The following MCAM variants were observed in gnomAD, a reference collection of about 807,000 sequenced individuals.
MCAM encodes the protein cell surface glycoprotein MUC18.
A neutral mutation model predicts 79.1 loss-of-function variants in MCAM; 55 were observed. The ratio of observed to expected loss-of-function variants is 0.70; its 90% CI spans 0.56 to 0.87. The LOEUF (loss-of-function observed/expected upper bound fraction) is 0.87. MCAM is among the 40% of genes least tolerant of loss of function. MCAM has a pLI of 0.00. For missense variants in MCAM, 745 were observed against 839.8 expected (o/e 0.89, Z 1.40); for synonymous variants, 330 against 339.8 (o/e 0.97, Z 0.32).
chr11:119,315,250 C>T lies in MCAM; in HGVS notation c.81G>A (p.Glu27=), dbSNP rs1407798637. The change falls in exon 2 of 16, where the codon GAG becomes GAA. Residue 27 remains glutamate, a synonymous_variant. Coordinates refer to ENST00000264036, the MANE Select transcript of MCAM (RefSeq NM_006500.3). The surrounding 1 kb of genome is among the most constrained non-coding windows in gnomAD (Gnocchi z 4.4). ...CCAGCTCAGGCGCAGGCTGCTCAGC[C>T]TCTCCGGGCACACCTGGGGGAGGGA... ...CCPRVAGVPG[E]AEQPAPELVE... is the part of the protein sequence containing the mutation. 1.2e-5 allele frequency: 19 copies of T among 1,610,436 alleles called. No individual in the cohort carries two copies. Among genetic ancestry groups the T allele is most frequent in the Non-Finnish European group, 1.5e-5 (18 of 1,179,786 alleles).
Position 119,312,322 on chromosome 11 carries a change from A to G in MCAM, c.968T>C (p.Leu323Pro). The G allele has an allele frequency of 1.2e-6, 2 of 1,613,954 alleles. No homozygotes were observed. The highest frequency in any genetic ancestry group is 8.5e-7 in the Non-Finnish European group (1 of 1,179,958). ...CAGCGATATCATGGTGTCCAAGTCC[A>G]GGCCCTGACATTCATAGCGCCCACT... ...EHSGRYECQG[L>P]DLDTMISLLS... is the part of the protein sequence containing the mutation. Residue 323 changes from leucine (L) to proline (P), a missense_variant, in exon 8 of 16, where the codon CTG becomes CCG. Leu to Pro is a moderately conservative substitution (Grantham distance 98). Transcript: ENST00000264036. The surrounding 1 kb of genome is among the most constrained non-coding windows in gnomAD (Gnocchi z 4.9).
rs1241353629 is a variant in MCAM, at chr11:119,311,584, A to G, written c.1353T>C (p.Ser451=). The change falls in exon 11 of 16, where the codon TCT becomes TCC. Residue 451 remains serine, a synonymous_variant. Coordinates refer to ENST00000264036, the MANE Select transcript of MCAM (RefSeq NM_006500.3). This position sits in a 1 kb window ranked among gnomAD's most constrained non-coding sequence, Gnocchi z 4.4. ...GCCGGGGGTGCCCTGACGCTTCACA[A>G]GACAGATTCAACACCATATTCTCTT... ...WVKENMVLNL[S]CEASGHPRPT... The G allele has an allele frequency of 5.6e-6, 9 of 1,614,144 alleles. No individual in the cohort carries two copies. The South Asian group carries it at 6.6e-5, about 12-fold the overall frequency.
rs558349093 is a variant in MCAM at position 119,312,503 on chromosome 11, G to C, written c.861+24C>G. 4 of 1,614,014 alleles carry C rather than the reference G, an allele frequency of 2.5e-6. No individual in the cohort carries two copies. The East Asian group carries it at 6.7e-5, about 27-fold the overall frequency. ...TGGGTCTCTGCTTGCATCCCCACCT[G>C]CACCCAGCACAAAGCCCCCACACCT... On this transcript the variant is annotated intron_variant, in intron 7 of 15. Coordinates refer to ENST00000264036, the MANE Select transcript of MCAM (RefSeq NM_006500.3). The surrounding 1 kb of genome is among the most constrained non-coding windows in gnomAD (Gnocchi z 4.9).
At position 119,311,460 on chromosome 11, in the gene MCAM, G is replaced by A. The variant is rs1429802245; in HGVS notation, c.1408-39C>T. The A allele has an allele frequency of 1.2e-6, 2 of 1,613,588 alleles. No homozygotes were observed. The highest frequency in any genetic ancestry group is 1.7e-5 in the Admixed American group (1 of 60,008). On this transcript the variant is annotated intron_variant, in intron 11 of 15. Transcript: ENST00000264036. This position sits in a 1 kb window ranked among gnomAD's most constrained non-coding sequence, Gnocchi z 4.4. Reference sequence around the variant, plus strand: ...AAGGAGGCAGCTCAGGGGATGGGGAGGATCTCTGGTCCTGGCCACAAAGCG... The same window carrying A: ...AAGGAGGCAGCTCAGGGGATGGGGAAGATCTCTGGTCCTGGCCACAAAGCG...
chr11:119,311,680 C>T lies in MCAM; in HGVS notation c.1286-29G>A. The T allele has an allele frequency of 6.2e-7, 1 of 1,613,194 alleles. No homozygotes were observed. On this transcript the variant is annotated intron_variant, in intron 10 of 15. Transcript: ENST00000264036. The surrounding 1 kb of genome is among the most constrained non-coding windows in gnomAD (Gnocchi z 4.4). Reference sequence around the variant, plus strand: ...GGGGAGGTAGGGAGAGGTGAGGTGGCAAGCCCAGCTAGCCTGCCTCCCCCT... The same window carrying T: ...GGGGAGGTAGGGAGAGGTGAGGTGGTAAGCCCAGCTAGCCTGCCTCCCCCT...
rs1950253659 is a variant in MCAM, at chr11:119,312,757, G to A, written c.739+13C>T. On this transcript the variant is annotated intron_variant, in intron 6 of 15. Transcript: ENST00000264036. The surrounding 1 kb of genome is among the most constrained non-coding windows in gnomAD (Gnocchi z 4.9). ...CCCAGCCCCAGTAAGCAGAGAGTCA[G>A]GTTAGTACTCACAGAAAACAGGGAC... 1.2e-6 allele frequency: 2 copies of A among 1,613,834 alleles called. No individual in the cohort carries two copies. The highest frequency in any genetic ancestry group is 1.7e-6 in the Non-Finnish European group (2 of 1,179,856).
At chr11:119,313,337 G>T (rs1458847044) in intron 5 of MCAM, 2 of 1,295,698 alleles carry the variant, frequency 1.5e-6, no homozygotes, top group Non-Finnish European at 2.0e-6. Context: ...AAAAGAAATT[G>T]TCTAACAATG....
chr11:119,314,142 C>T, intron 5 of MCAM: 1 of 562,064 alleles, frequency 1.8e-6, no homozygotes, highest in South Asian at 6.7e-5. Flanking sequence ...AAGGCAGTTC[C>T]TGTGTAGTAC....
At position 119,316,494 on chromosome 11, in the gene MCAM, C is replaced by T. The variant is rs1342519457; in HGVS notation, c.67+541G>A. 6.5e-6 allele frequency: 1 copy of T among 154,348 alleles called. No homozygotes were observed. Among genetic ancestry groups the T allele is most frequent in the Admixed American group, 6.5e-5 (1 of 15,422 alleles). The allele number at this position is 154,348 out of a possible 1,614,324, so 9.6% of individuals were successfully genotyped here. A position where few individuals can be genotyped will look rare whatever the true frequency, so the allele number is the denominator to read the frequency against. On this transcript the variant is annotated intron_variant, in intron 1 of 15. Transcript: ENST00000264036. The surrounding 1 kb of genome is among the most constrained non-coding windows in gnomAD (Gnocchi z 4.8). Reference sequence around the variant, plus strand: ...ACTCGGGGAGGCGCGAGGCGACCCACACCGCCCCGCAACCCCTGCCAACGC... The same window carrying T: ...ACTCGGGGAGGCGCGAGGCGACCCATACCGCCCCGCAACCCCTGCCAACGC...
rs933445692 is a variant in MCAM at position 119,311,134 on chromosome 11, G to C, written c.1601C>G (p.Thr534Ser). The change falls in exon 13 of 16, where the codon ACT becomes AGT. Residue 534 changes from threonine to serine, a missense_variant. Thr to Ser is a moderately conservative substitution (Grantham distance 58). Coordinates refer to ENST00000264036, the MANE Select transcript of MCAM (RefSeq NM_006500.3). This position sits in a 1 kb window ranked among gnomAD's most constrained non-coding sequence, Gnocchi z 4.4. ...TCTGGTATGAGGACTGGCAGTGGAAGTGCTGAGGCCAGTGGTTGTGTTGGA... is the reference window on the plus strand; with the variant it reads ...TCTGGTATGAGGACTGGCAGTGGAACTGCTGAGGCCAGTGGTTGTGTTGGA... ...PDSNTTTGLS[T>S]STASPHTRAN... 6.2e-7 allele frequency: 1 copy of C among 1,614,234 alleles called. No homozygotes were observed. The highest frequency in any genetic ancestry group is 1.7e-5 in the Admixed American group (1 of 60,036).
Position 119,309,882 on chromosome 11 carries a change from G to A in MCAM, c.*4C>T, listed in dbSNP as rs199948359. 396 of 1,599,748 alleles carry A rather than the reference G, an allele frequency of 2.5e-4. No individual in the cohort carries two copies. Among genetic ancestry groups the A allele is most frequent in the Middle Eastern group, 6.8e-4 (4 of 5,844 alleles). ...GCAGGGAAGGGAGCTGAAGTGATTC[G>A]GGGCTAATGCCTCAGATCGATGTAT... is the stretch of plus-strand genomic sequence containing the variant. On this transcript the variant is annotated 3_prime_UTR_variant, in exon 16 of 16. Coordinates refer to ENST00000264036, the MANE Select transcript of MCAM (RefSeq NM_006500.3).
At position 119,310,816 on chromosome 11, in the gene MCAM, A is replaced by G. The variant is rs769715417; in HGVS notation, c.1733T>C (p.Val578Ala). 11 of 1,613,952 alleles carry G rather than the reference A, an allele frequency of 6.8e-6. No individual in the cohort carries two copies. In the African/African-American group the frequency reaches 1.5e-4, roughly 22 times the overall value. ...CILVLAVLGA[V>A]LYFLYKKGKL... ...GCCCTTCTTATAGAGGAAATAGAGGACAGCGCCCAGCACCGCCAGGACCAG... is the reference window on the plus strand; with the variant it reads ...GCCCTTCTTATAGAGGAAATAGAGGGCAGCGCCCAGCACCGCCAGGACCAG... The change falls in exon 14 of 16, where the codon GTC becomes GCC. Residue 578 changes from valine (V) to alanine (A), a missense_variant. Val to Ala is a moderately conservative substitution (Grantham distance 64). Transcript: ENST00000264036.
rs1175088212 is a variant in MCAM at position 119,311,300 on chromosome 11, C to A, written c.1529G>T (p.Ser510Ile). Residue 510 changes from serine (S) to isoleucine (I), a missense_variant, in exon 12 of 16, where the codon AGC becomes ATC. Ser to Ile is a moderately radical substitution (Grantham distance 142, BLOSUM62 -2). Transcript: ENST00000264036. This position sits in a 1 kb window ranked among gnomAD's most constrained non-coding sequence, Gnocchi z 4.4. ...CTCACCCAGCTCCAGGAAGAGGATG[C>A]TGGTGTTTTTGCCCAGGTCGTTGGA... The part of the protein sequence containing the change: ...TASNDLGKNT[S>I]ILFLELVNLT... 1.9e-6 allele frequency: 3 copies of A among 1,614,086 alleles called. No individual in the cohort carries two copies. Among genetic ancestry groups the A allele is most frequent in the Non-Finnish European group, 1.7e-6 (2 of 1,180,022 alleles).
In MCAM at chr11:119,314,803, T is replaced by C. The variant is rs772692814; in HGVS notation, c.400+30A>G. ...TCTGGCCACGTCCCACCACCCTCACTACCCTGCTGGCAGACACAGGGTCAC... is the reference window on the plus strand; with the variant it reads ...TCTGGCCACGTCCCACCACCCTCACCACCCTGCTGGCAGACACAGGGTCAC... On this transcript the variant is annotated intron_variant, in intron 3 of 15. Transcript: ENST00000264036. The C allele has an allele frequency of 3.1e-6, 5 of 1,613,132 alleles. No individual in the cohort carries two copies. The African/African-American group carries it at 4.0e-5, about 13-fold the overall frequency.
intron 5 of MCAM, 113 bp downstream of exon 5, chr11:119,314,376 G>T: frequency 1.0e-6 from 1 of 955,202 alleles, no homozygotes; most frequent in Non-Finnish European, 1.7e-6. Context: ...AGGTGGTCCT[G>T]AACTCCTCAC....
chr11:119,310,812 G>A lies in MCAM; in HGVS notation c.1737C>T (p.Leu579=). Residue 579 remains leucine (L), a synonymous_variant, in exon 14 of 16, where the codon CTC becomes CTT. Transcript: ENST00000264036. ...GCTTGCCCTTCTTATAGAGGAAATA[G>A]AGGACAGCGCCCAGCACCGCCAGGA... is the stretch of plus-strand genomic sequence containing the variant. ...ILVLAVLGAV[L]YFLYKKGKLP... is the part of the protein sequence containing the mutation. 1.9e-6 allele frequency: 3 copies of A among 1,614,180 alleles called. No individual in the cohort carries two copies. Among genetic ancestry groups the A allele is most frequent in the South Asian group, 1.1e-5 (1 of 91,090 alleles).
chr11:119,312,492 C>T lies in MCAM; in HGVS notation c.861+35G>A, dbSNP rs951442205. On this transcript the variant is annotated intron_variant, in intron 7 of 15. Transcript: ENST00000264036. The surrounding 1 kb of genome is among the most constrained non-coding windows in gnomAD (Gnocchi z 4.9). ...GCCACTCCACCTGGGTCTCTGCTTG[C>T]ATCCCCACCTGCACCCAGCACAAAG... The T allele has an allele frequency of 6.2e-7, 1 of 1,614,018 alleles. No individual in the cohort carries two copies. The highest frequency in any genetic ancestry group is 8.5e-7 in the Non-Finnish European group (1 of 1,179,960).
At position 119,309,778 on chromosome 11, in the gene MCAM, G is replaced by C. The variant is rs1464123500; in HGVS notation, c.*108C>G. 4 of 1,179,656 alleles carry C rather than the reference G, an allele frequency of 3.4e-6. No homozygotes were observed. Among genetic ancestry groups the C allele is most frequent in the Non-Finnish European group, 4.9e-6 (4 of 812,094 alleles). 73.1% of individuals were successfully genotyped at this position (1,179,656 alleles called of 1,614,324 possible). On this transcript the variant is annotated 3_prime_UTR_variant, in exon 16 of 16. Transcript: ENST00000264036. ...CTCTGAAAGGGGGTGTGCAGGCGAG[G>C]GGAGCAGGAGGCTTCTCTCTAGTCC...
chr11:119,314,601 C>T (rs774467012), intron 4 of MCAM, 25 bp from the exon 5 acceptor site: 1 of 1,612,560 alleles, frequency 6.2e-7, no homozygotes, highest in Non-Finnish European at 8.5e-7. Context: ...GTGTGAGTCT[C>T]CCTGCCTCCG....
Sources: gnomAD v4.1 joint callset for allele counts on GRCh38, gnomAD v4.1.1 for gene constraint, Gnocchi (gnomAD v3.1) non-coding constraint, MANE v1.5 for transcripts, NCBI Gene and HGNC (gene_info 2026-07-23, HGNC 2026-07-21) for gene names.